HS3ST5: variants seen among roughly 807,000 people sequenced by gnomAD.
HS3ST5 encodes the protein heparan sulfate glucosamine 3-O-sulfotransferase 5.
Under a neutral mutation model 25.4 loss-of-function variants are expected in HS3ST5, and 10 were observed. The ratio of observed to expected loss-of-function variants is 0.39; its 90% confidence interval spans 0.24 to 0.67. The LOEUF (loss-of-function observed/expected upper bound fraction) is 0.67, where lower values mean the gene tolerates loss of function less well. HS3ST5 is among the 30% of genes least tolerant of loss of function. HS3ST5 has a pLI of 0.44. For missense variants in HS3ST5, 324 were observed against 420.7 expected, an observed-to-expected ratio of 0.77 and a Z score of 2.01; for synonymous variants, 170 against 162.4, an observed-to-expected ratio of 1.05 and a Z score of -0.36.
chr6:114,105,058 TC>T (rs1775927327), intron 3 of HS3ST5, among the ~76,000 whole-genome samples: 1 of 152,170 alleles, frequency 6.6e-6, no homozygotes, highest in South Asian at 2.1e-4. Flanking sequence ...CTCATAGCTG[TC>T]AATAGAACCA....
intron 1 of HS3ST5, among the ~76,000 whole-genome samples, chr6:114,311,500 T>C (rs970247620): frequency 6.6e-6 from 1 of 151,204 alleles, no homozygotes; most frequent in Non-Finnish European, 1.5e-5. Flanking sequence ...CCACTTAAAA[T>C]GAAATTTAAA....
intron 3 of HS3ST5, among the ~76,000 whole-genome samples, chr6:114,165,304 C>G (rs1582670852): frequency 6.6e-6 from 1 of 152,150 alleles, no homozygotes; most frequent in Admixed American, 6.5e-5. Flanking sequence ...GAGAACTGCA[C>G]AGCATCGGGT....
At chr6:114,307,566 T>C (rs1451110021) in intron 1 of HS3ST5, among the ~76,000 whole-genome samples, 1 of 152,126 alleles carries the variant, frequency 6.6e-6, no homozygotes, top group Non-Finnish European at 1.5e-5. Context: ...AAAATAATTT[T>C]GATATTGAAG....
chr6:114,296,806 A>G (rs1165905773), intron 1 of HS3ST5, among the ~76,000 whole-genome samples: 1 of 152,202 alleles, frequency 6.6e-6, no homozygotes, highest in Non-Finnish European at 1.5e-5. Flanking sequence ...CCTGCTTGTA[A>G]GTAAATGGAG....
At chr6:114,311,350 T>C (rs1236714871) in intron 1 of HS3ST5, among the ~76,000 whole-genome samples, 5 of 152,150 alleles carry the variant, frequency 3.3e-5, no homozygotes, top group African/African-American at 4.8e-5. Flanking sequence ...TATATACCAA[T>C]ATGTTAAGAA....
chr6:114,115,230 AT>A (rs559389797), intron 3 of HS3ST5, among the ~76,000 whole-genome samples: 21 of 151,982 alleles, frequency 1.4e-4, no homozygotes, highest in Non-Finnish European at 2.9e-4. Flanking sequence ...CCTGAAGATA[AT>A]TTTTTTTAAT....
intron 3 of HS3ST5, among the ~76,000 whole-genome samples, chr6:114,098,982 T>C (rs1775589053): frequency 1.3e-5 from 2 of 152,170 alleles, no homozygotes; most frequent in South Asian, 4.1e-4. Flanking sequence ...TTTAATGTCC[T>C]GTTGGAGATA....
At chr6:114,138,269 T>G (rs1777733484) in intron 3 of HS3ST5, among the ~76,000 whole-genome samples, 1 of 152,242 alleles carries the variant, frequency 6.6e-6, no homozygotes, top group African/African-American at 2.4e-5. Context: ...GATATTGCCT[T>G]CATCTGTTGA....
intron 4 of HS3ST5, among the ~76,000 whole-genome samples, chr6:114,061,319 T>G (rs1314807750): frequency 6.6e-6 from 1 of 152,108 alleles, no homozygotes; most frequent in Non-Finnish European, 1.5e-5. Context: ...AAGTGCTACT[T>G]TAGGAAACTA....
At chr6:114,303,514 A>T (rs1033683546) in intron 1 of HS3ST5, among the ~76,000 whole-genome samples, 2 of 151,084 alleles carry the variant, frequency 1.3e-5, no homozygotes, top group African/African-American at 2.4e-5. Flanking sequence ...TTTAAAAACA[A>T]TTTTTTTTTA....
chr6:114,105,038 G>T (rs1582605461), intron 3 of HS3ST5, among the ~76,000 whole-genome samples: 1 of 152,116 alleles, frequency 6.6e-6, no homozygotes, highest in African/African-American at 2.4e-5. Context: ...CCAGTAAAGT[G>T]TAAACTACTC....
At chr6:114,316,097 C>T (rs781306209) in intron 1 of HS3ST5, among the ~76,000 whole-genome samples, 3 of 152,130 alleles carry the variant, frequency 2.0e-5, no homozygotes, top group Non-Finnish European at 2.9e-5. Context: ...TTAAGAGAAG[C>T]GGAAGCAGGC....
chr6:114,211,653 T>C lies in HS3ST5; in HGVS notation c.-145+16932A>G, dbSNP rs77860550. ...AGACAAGCATTTAACTTTATAAATA[T>C]CAGGGAAAAATGTATTAAAACCAGC... On this transcript the variant is annotated intron_variant, in intron 2 of 4. Transcript: ENST00000312719. Among the ~76,000 whole-genome samples the C allele has an allele frequency of 1.4e-3, 215 of 152,296 alleles. 2 individuals carry two copies. The East Asian group carries it at 0.018, about 12-fold the overall frequency.
rs914295847 is a variant in HS3ST5 at position 114,280,671 on chromosome 6, T to A, written c.-338-51893A>T. Among the ~76,000 whole-genome samples, 11 of 152,136 alleles carry A rather than the reference T, an allele frequency of 7.2e-5. No homozygotes were observed. In the South Asian group the frequency reaches 2.1e-3, roughly 29 times the overall value. On this transcript the variant is annotated intron_variant, in intron 1 of 4. Coordinates refer to ENST00000312719, the MANE Select transcript of HS3ST5 (RefSeq NM_153612.4). ...ATTTTCCCCATTCAAAAGTAAGATA[T>A]TTCTAAAGGCAGTAAATAAGAGACT...
intron 2 of HS3ST5, among the ~76,000 whole-genome samples, chr6:114,170,109 GC>G (rs1779408965): frequency 6.6e-6 from 1 of 152,030 alleles, no homozygotes; most frequent in Non-Finnish European, 1.5e-5. Flanking sequence ...TTAAGAGAGA[GC>G]CCTTTAAAAG....
intron 3 of HS3ST5, among the ~76,000 whole-genome samples, chr6:114,085,744 C>T (rs996352505): frequency 1.3e-5 from 2 of 152,134 alleles, no homozygotes; most frequent in African/African-American, 4.8e-5. Context: ...TCCTTACTTT[C>T]CAGCAGCCTC....
At chr6:114,271,351 A>T (rs1269211843) in intron 1 of HS3ST5, among the ~76,000 whole-genome samples, 1 of 151,926 alleles carries the variant, frequency 6.6e-6, no homozygotes, top group African/African-American at 2.4e-5. Flanking sequence ...ATTTTTGGAG[A>T]TTCTTAAACA....
intron 3 of HS3ST5, among the ~76,000 whole-genome samples, chr6:114,152,834 T>G (rs925267800): frequency 6.6e-6 from 1 of 152,242 alleles, no homozygotes; most frequent in African/African-American, 2.4e-5. Flanking sequence ...AAGCCTTTGC[T>G]GCTAGAGGCT....
chr6:114,338,300 A>G (rs1776688523), intron 1 of HS3ST5, among the ~76,000 whole-genome samples: 1 of 151,750 alleles, frequency 6.6e-6, no homozygotes, highest in Admixed American at 6.6e-5. Flanking sequence ...GTATATATAC[A>G]TACACATTGT....
Sources: gnomAD v4.1 joint callset for allele counts (sites outside exome capture counted in the v4.1 genomes callset) on GRCh38, gnomAD v4.1.1 for gene constraint, MANE v1.5 for transcripts, NCBI Gene and HGNC (gene_info 2026-07-23, HGNC 2026-07-21) for gene names.